TMEM108: variants seen among roughly 807,000 people sequenced by gnomAD.
The protein encoded by TMEM108 is cancer/testis antigen 124.
A neutral mutation model predicts 35.1 loss-of-function variants in TMEM108; 12 were observed. The ratio of observed to expected loss-of-function variants is 0.34; its 90% CI spans 0.22 to 0.55. TMEM108 has a LOEUF of 0.55. TMEM108 is among the 20% of genes least tolerant of loss of function. TMEM108 has a pLI of 0.89. For missense variants in TMEM108, 680 were observed against 753.3 expected, an observed-to-expected ratio of 0.90 and a Z score of 1.14; for synonymous variants, 287 against 308.6, an observed-to-expected ratio of 0.93 and a Z score of 0.73.
At chr3:133,308,570 AG>A (rs1293873118) in intron 3 of TMEM108, among the ~76,000 whole-genome samples, 5 of 152,070 alleles carry the variant, frequency 3.3e-5, no homozygotes, top group Middle Eastern at 3.4e-3. Context: ...TTTAGTATGA[AG>A]GGCTGTTGAA....
chr3:133,040,202 G>GTTTTT (rs200928853), intron 1 of TMEM108, among the ~76,000 whole-genome samples: 32 of 119,668 alleles, frequency 2.7e-4, no homozygotes, highest in East Asian at 4.4e-4. Flanking sequence ...TTGTTTGTTT[G>GTTTTT]TTTGTTTTTT....
At chr3:133,225,420 G>C (rs1227571642) in intron 2 of TMEM108, among the ~76,000 whole-genome samples, 1 of 151,912 alleles carries the variant, frequency 6.6e-6, no homozygotes, top group Non-Finnish European at 1.5e-5. Flanking sequence ...CTGGTGGTGG[G>C]GGACGAATTT....
intron 3 of TMEM108, among the ~76,000 whole-genome samples, chr3:133,372,819 G>C (rs1221804192): frequency 2.6e-5 from 4 of 152,156 alleles, no homozygotes; most frequent in African/African-American, 9.7e-5. Context: ...TTTAAATGTG[G>C]CAACCTGTAG....
chr3:133,158,416 C>T (rs753869023), intron 2 of TMEM108, among the ~76,000 whole-genome samples: 2 of 146,866 alleles, frequency 1.4e-5, no homozygotes, highest in Non-Finnish European at 3.0e-5. Flanking sequence ...CACAGTGAGC[C>T]GAGATCGCGC....
At chr3:133,049,343 T>C (rs1943376904) in intron 2 of TMEM108, among the ~76,000 whole-genome samples, 1 of 152,190 alleles carries the variant, frequency 6.6e-6, no homozygotes, top group African/African-American at 2.4e-5. Context: ...ACATTTCAAG[T>C]GCTCTGTACC....
chr3:133,159,512 T>C lies in TMEM108; in HGVS notation c.-46-69754T>C, dbSNP rs182756810. 2.2e-4 allele frequency among the ~76,000 whole-genome samples: 33 copies of C among 152,300 alleles called. No homozygotes were observed. The East Asian group carries it at 6.0e-3, about 28-fold the overall frequency. On this transcript the variant is annotated intron_variant, in intron 2 of 5. Transcript: ENST00000321871. ...CACCTTACTCAGTGTCTTTCTGGTA[T>C]AATTTTTTCCAGGAGCAGCACTACA...
intron 2 of TMEM108, among the ~76,000 whole-genome samples, chr3:133,133,437 A>G (rs1944518738): frequency 6.6e-6 from 1 of 152,216 alleles, no homozygotes; most frequent in South Asian, 2.1e-4. Flanking sequence ...TTAATAGACT[A>G]CAGTAATGTG....
chr3:133,146,575 C>T (rs1559847271), intron 2 of TMEM108, among the ~76,000 whole-genome samples: 2 of 152,170 alleles, frequency 1.3e-5, no homozygotes, highest in Non-Finnish European at 2.9e-5. Context: ...TAGAATTCAG[C>T]TGTGAATCTG....
intron 3 of TMEM108, among the ~76,000 whole-genome samples, chr3:133,282,228 C>T (rs1235462402): frequency 6.6e-6 from 1 of 152,174 alleles, no homozygotes; most frequent in Non-Finnish European, 1.5e-5. Flanking sequence ...ATTTTGACTC[C>T]AGCTGAGTTT....
At chr3:133,358,691 T>C (rs529821350) in intron 3 of TMEM108, among the ~76,000 whole-genome samples, 3 of 152,216 alleles carry the variant, frequency 2.0e-5, no homozygotes, top group Admixed American at 2.0e-4. Flanking sequence ...TGGAAGTTTT[T>C]ATTTTCTCCA....
chr3:133,059,042 C>T (rs114959036), intron 2 of TMEM108, among the ~76,000 whole-genome samples: 5,480 of 152,250 alleles, frequency 0.036, 138 homozygotes, highest in Non-Finnish European at 0.056. Context: ...GACTCCCTTC[C>T]GGGTTGCAGA....
At chr3:133,304,280 G>A (rs1947270900) in intron 3 of TMEM108, among the ~76,000 whole-genome samples, 1 of 152,174 alleles carries the variant, frequency 6.6e-6, no homozygotes, top group Admixed American at 6.5e-5. Context: ...AGAATGGTCT[G>A]ACAGAGAAGT....
At chr3:133,136,413 C>T (rs768392851) in intron 2 of TMEM108, among the ~76,000 whole-genome samples, 21 of 152,224 alleles carry the variant, frequency 1.4e-4, no homozygotes, top group Non-Finnish European at 2.8e-4. Flanking sequence ...TGCTTCCTAC[C>T]TGCTCTTTTT....
chr3:133,394,375 C>A (rs1197302), intron 5 of TMEM108, among the ~76,000 whole-genome samples: 50,492 of 152,162 alleles, frequency 0.33, 8,861 homozygotes, highest in East Asian at 0.42. Context: ...TGATGCCCAA[C>A]AAGTGCTTGG....
At chr3:133,122,993 TA>T (rs1944372692) in intron 2 of TMEM108, among the ~76,000 whole-genome samples, 1 of 152,208 alleles carries the variant, frequency 6.6e-6, no homozygotes, top group Non-Finnish European at 1.5e-5. Flanking sequence ...CTGCAAATTC[TA>T]CCAGAAATGA....
At chr3:133,129,667 G>C (rs1364387401) in intron 2 of TMEM108, among the ~76,000 whole-genome samples, 1 of 152,030 alleles carries the variant, frequency 6.6e-6, no homozygotes, top group Non-Finnish European at 1.5e-5. Flanking sequence ...GCCAAGGAAA[G>C]GAAACTTGTT....
chr3:133,272,069 A>G (rs1946778097), intron 3 of TMEM108, among the ~76,000 whole-genome samples: 1 of 152,218 alleles, frequency 6.6e-6, no homozygotes, highest in Non-Finnish European at 1.5e-5. Context: ...AGGAGTTAAC[A>G]GCTGAGCTTT....
chr3:133,339,176 T>TA (rs944938705), intron 3 of TMEM108, among the ~76,000 whole-genome samples: 69 of 147,052 alleles, frequency 4.7e-4, no homozygotes, highest in Admixed American at 3.0e-3. Flanking sequence ...CTGAGTGGAT[T>TA]AAAAAAAAAA....
intron 2 of TMEM108, among the ~76,000 whole-genome samples, chr3:133,176,761 G>C (rs760667463): frequency 6.6e-6 from 1 of 152,074 alleles, no homozygotes; most frequent in Admixed American, 6.6e-5. Context: ...AAGAACTAGA[G>C]AAGCAAGAGC....
Sources: allele counts gnomAD v4.1 joint callset (sites outside exome capture counted in the v4.1 genomes callset), GRCh38; gene constraint gnomAD v4.1.1; transcripts MANE v1.5; gene names NCBI Gene and HGNC (gene_info 2026-07-23, HGNC 2026-07-21).